Variants in ST3GAL2 observed in about 807,000 individuals in gnomAD.
ST3GAL2 encodes the protein CMP-N-acetylneuraminate-beta-galactosamide-alpha-2,3-sialyltransferase 2.
ST3GAL2 carries 16 observed loss-of-function variants against 37.5 expected under a neutral mutation model. That is an observed-to-expected ratio of 0.43 (90% CI 0.29 to 0.65). The LOEUF (loss-of-function observed/expected upper bound fraction) is 0.65, where lower values mean the gene tolerates loss of function less well. Ranked by LOEUF, ST3GAL2 falls within the 30% of genes least tolerant of loss-of-function variation. The pLI is 0.17. For synonymous variants in ST3GAL2, 238 were observed against 202.9 expected (o/e 1.17, Z -1.47); for missense variants, 383 against 487.8 (o/e 0.79, Z 2.02).
At chr16:70,410,288 T>C (rs1033498874) in intron 1 of ST3GAL2, among the ~76,000 whole-genome samples, 2 of 128,390 alleles carry the variant, frequency 1.6e-5, no homozygotes, top group Admixed American at 1.8e-4. Flanking sequence ...TCTCACCCTG[T>C]CACCCAGGCT....
At position 70,381,642 on chromosome 16, in the gene ST3GAL2, C is replaced by T. The variant is rs1420129554; in HGVS notation, c.*47G>A. The T allele has an allele frequency of 1.3e-6, 2 of 1,594,610 alleles. No homozygotes were observed. Among genetic ancestry groups the T allele is most frequent in the Non-Finnish European group, 8.5e-7 (1 of 1,170,064 alleles). On this transcript the variant is annotated 3_prime_UTR_variant, in exon 7 of 7. Transcript: ENST00000342907. ...GCTGGTCCTGGGTCCCGGGCCGGAG[C>T]CCCGGTGCCCGATAGATGGGCCGGA...
At chr16:70,407,281 T>C (rs2047599279) in intron 1 of ST3GAL2, among the ~76,000 whole-genome samples, 1 of 151,950 alleles carries the variant, frequency 6.6e-6, no homozygotes, top group South Asian at 2.1e-4. Context: ...GCTGGCACTA[T>C]AGGCCCGTGC....
At chr16:70,431,662 TAA>T (rs60739243) in intron 1 of ST3GAL2, among the ~76,000 whole-genome samples, 11,830 of 139,284 alleles carry the variant, frequency 0.085, 1,549 homozygotes, top group African/African-American at 0.28. Flanking sequence ...CCCATCTCTT[TAA>T]AAAAAAAAAA....
chr16:70,388,349 G>C lies in ST3GAL2; in HGVS notation c.713+18C>G. On this transcript the variant is annotated intron_variant, in intron 4 of 6. Coordinates refer to ENST00000342907, the MANE Select transcript of ST3GAL2 (RefSeq NM_006927.4). ...GGTCCTGTCACCCATATTCTACCCA[G>C]GCCAGCAAGAAGCTCACAATCGGAT... is the stretch of plus-strand genomic sequence containing the variant. The C allele has an allele frequency of 6.2e-7, 1 of 1,613,924 alleles. No individual in the cohort carries two copies. Among genetic ancestry groups the C allele is most frequent in the African/African-American group, 1.3e-5 (1 of 75,012 alleles).
In ST3GAL2 at chr16:70,376,346, C is replaced by T. The variant is rs1460231108; in HGVS notation, c.*5343G>A. On this transcript the variant is annotated 3_prime_UTR_variant, in exon 7 of 7. Transcript: ENST00000342907. The stretch of plus-strand genomic sequence containing the variant: ...TGAGTGCAGATGCCATATGTTTCTT[C>T]TGCTTCACAGGCTTCCCTCTGGAGA... 1 of 152,276 alleles carries T rather than the reference C, an allele frequency of 6.6e-6. No homozygotes were observed. Among genetic ancestry groups the T allele is most frequent in the Non-Finnish European group, 1.5e-5 (1 of 68,062 alleles). The allele number at this position is 152,276 out of a possible 1,614,324, so 9.4% of individuals were successfully genotyped here.
At position 70,381,613 on chromosome 16, in the gene ST3GAL2, G is replaced by T; in HGVS notation, c.*76C>A. 1 of 1,538,892 alleles carries T rather than the reference G, an allele frequency of 6.5e-7. No individual in the cohort carries two copies. ...CTGGGCTGCAGCATGATTGGTCGCG[G>T]GTTGCTGGTCCTGGGTCCCGGGCCG... On this transcript the variant is annotated 3_prime_UTR_variant, in exon 7 of 7. Coordinates refer to ENST00000342907, the MANE Select transcript of ST3GAL2 (RefSeq NM_006927.4).
chr16:70,420,801 A>G (rs2047709541), intron 1 of ST3GAL2, among the ~76,000 whole-genome samples: 1 of 152,216 alleles, frequency 6.6e-6, no homozygotes, highest in Admixed American at 6.5e-5. Flanking sequence ...AGGTGTTTGC[A>G]TCCATGCTTC....
chr16:70,403,143 G>A (rs201843947), intron 1 of ST3GAL2, among the ~76,000 whole-genome samples: 1 of 129,716 alleles, frequency 7.7e-6, no homozygotes, highest in East Asian at 1.9e-4. Context: ...CCAGGTGGTG[G>A]AGGTGGTGAG....
intron 3 of ST3GAL2, among the ~76,000 whole-genome samples, chr16:70,391,579 C>G (rs1053528332): frequency 5.3e-5 from 8 of 152,194 alleles, no homozygotes; most frequent in Admixed American, 1.3e-4. Flanking sequence ...TATCTGCCTC[C>G]TGCCAAGCAC....
intron 1 of ST3GAL2, among the ~76,000 whole-genome samples, chr16:70,411,510 C>T (rs893101110): frequency 3.3e-5 from 5 of 152,112 alleles, no homozygotes; most frequent in African/African-American, 9.7e-5. Context: ...AGCCATCTCA[C>T]GACCATGAGA....
intron 4 of ST3GAL2, among the ~76,000 whole-genome samples, chr16:70,383,784 G>A (rs1336431172): frequency 1.3e-5 from 2 of 151,502 alleles, no homozygotes; most frequent in Non-Finnish European, 2.9e-5. Flanking sequence ...CTGCTCTCCC[G>A]TGGCTTGTTC....
chr16:70,398,062 C>A (rs2047528938), intron 2 of ST3GAL2, 130 bp downstream of exon 2: 16 of 956,768 alleles, frequency 1.7e-5, no homozygotes, highest in Non-Finnish European at 2.5e-5. Context: ...CTTCAGTAAT[C>A]TGTGATCCTA....
Position 70,399,216 on chromosome 16 carries a change from G to A in ST3GAL2, c.-686C>T, listed in dbSNP as rs1382313595. On this transcript the variant is annotated 5_prime_UTR_variant, in exon 2 of 7. Coordinates refer to ENST00000342907, the MANE Select transcript of ST3GAL2 (RefSeq NM_006927.4). Reference sequence around the variant, plus strand: ...GGTCTTGCCCTTCTGCTTCCCATCTGAGGTGCTGGTCCCTTCTCCTGGTGG... The same window carrying A: ...GGTCTTGCCCTTCTGCTTCCCATCTAAGGTGCTGGTCCCTTCTCCTGGTGG... 6 of 398,770 alleles carry A rather than the reference G, an allele frequency of 1.5e-5. No homozygotes were observed. The Admixed American group carries it at 2.2e-4, about 15-fold the overall frequency. The allele number at this position is 398,770 out of a possible 1,614,324, so 24.7% of individuals were successfully genotyped here. A position where few individuals can be genotyped will look rare whatever the true frequency, so the allele number is the denominator to read the frequency against.
intron 1 of ST3GAL2, among the ~76,000 whole-genome samples, chr16:70,424,153 ATT>A (rs952052591): frequency 2.1e-5 from 3 of 141,948 alleles, no homozygotes; most frequent in Non-Finnish European, 1.6e-5. Flanking sequence ...CGCCCAGCTA[ATT>A]TTTTTTTTTT....
chr16:70,405,228 A>C (rs1165417503), intron 1 of ST3GAL2, among the ~76,000 whole-genome samples: 1 of 152,180 alleles, frequency 6.6e-6, no homozygotes, highest in Non-Finnish European at 1.5e-5. Context: ...ATGAACTTGA[A>C]AACCCTGTGC....
intron 1 of ST3GAL2, among the ~76,000 whole-genome samples, chr16:70,414,048 C>T (rs2047658420): frequency 1.3e-5 from 2 of 152,164 alleles, no homozygotes. Context: ...TGGAGGCGTA[C>T]ATGAATATAT....
At chr16:70,396,985 G>C (rs1017097335) in intron 2 of ST3GAL2, among the ~76,000 whole-genome samples, 8 of 142,236 alleles carry the variant, frequency 5.6e-5, no homozygotes, top group African/African-American at 2.1e-4. Flanking sequence ...TCTAGAATCA[G>C]ACAACACATT....
intron 3 of ST3GAL2, among the ~76,000 whole-genome samples, chr16:70,393,064 C>T (rs1448767677): frequency 6.6e-6 from 1 of 151,810 alleles, no homozygotes; most frequent in Non-Finnish European, 1.5e-5. Flanking sequence ...CTTACCTGGC[C>T]CCTGTGAGGA....
At chr16:70,421,984 G>T (rs1331789927) in intron 1 of ST3GAL2, among the ~76,000 whole-genome samples, 1 of 152,172 alleles carries the variant, frequency 6.6e-6, no homozygotes, top group Non-Finnish European at 1.5e-5. Context: ...TGCCCAGGCT[G>T]GTCTTGAACT....
Sources: gnomAD v4.1 joint callset for allele counts (sites outside exome capture counted in the v4.1 genomes callset) on GRCh38, gnomAD v4.1.1 for gene constraint, MANE v1.5 for transcripts, NCBI Gene and HGNC (gene_info 2026-07-23, HGNC 2026-07-21) for gene names.